PLAC8L1: variants seen among roughly 807,000 people sequenced by gnomAD.
The protein encoded by PLAC8L1 is PLAC8 like 1, also known as PLAC8-like protein 1.
Under a neutral mutation model 16.3 loss-of-function variants are expected in PLAC8L1, and 13 were observed. The ratio of observed to expected loss-of-function variants is 0.80; its 90% CI spans 0.52 to 1.27. The LOEUF is 1.27. Among genes scored for constraint, PLAC8L1 ranks in the 50% most tolerant of loss-of-function variants. PLAC8L1 has a pLI of 0.00. For missense variants in PLAC8L1, 184 were observed against 220.2 expected, an observed-to-expected ratio of 0.84 and a Z score of 1.04; for synonymous variants, 78 against 79.3, an observed-to-expected ratio of 0.98 and a Z score of 0.09.
rs1403019768 is a variant in PLAC8L1, at chr5:146,104,408, T to C, written c.-97A>G. 2.1e-6 allele frequency: 2 copies of C among 933,424 alleles called. No homozygotes were observed. The highest frequency in any genetic ancestry group is 2.5e-5 in the East Asian group (1 of 40,670). 57.8% of individuals were successfully genotyped at this position (933,424 alleles called of 1,614,324 possible). ...GATTAGTCCAAAGTGAAACATCTCT[T>C]GAAAGAATGTTCCCTTAATATTCTG... On this transcript the variant is annotated 5_prime_UTR_variant, in exon 1 of 4. Coordinates refer to ENST00000311450, the MANE Select transcript of PLAC8L1 (RefSeq NM_001029869.3).
intron 1 of PLAC8L1, chr5:146,103,987 C>T (rs1426751090): frequency 1.0e-5 from 10 of 985,404 alleles, no homozygotes; most frequent in Non-Finnish European, 1.2e-5. Context: ...CCATTTCACC[C>T]AAGCCAGCCC....
At chr5:146,089,335 A>C (rs1763571642) in intron 2 of PLAC8L1, among the ~76,000 whole-genome samples, 1 of 152,242 alleles carries the variant, frequency 6.6e-6, no homozygotes, top group South Asian at 2.1e-4. Flanking sequence ...AACACTATGA[A>C]GAATGAATTT....
At chr5:146,092,632 C>T (rs1763640977) in intron 2 of PLAC8L1, among the ~76,000 whole-genome samples, 1 of 150,072 alleles carries the variant, frequency 6.7e-6, no homozygotes, top group Non-Finnish European at 1.5e-5. Context: ...ACTTCCACCT[C>T]CCGGGTTCAA....
intron 2 of PLAC8L1, among the ~76,000 whole-genome samples, chr5:146,093,827 G>T (rs1260401498): frequency 6.6e-6 from 1 of 152,010 alleles, no homozygotes; most frequent in Non-Finnish European, 1.5e-5. Flanking sequence ...CCTACCTTGG[G>T]TATCTACTAG....
chr5:146,096,035 T>C (rs1248976965), intron 2 of PLAC8L1, among the ~76,000 whole-genome samples: 1 of 152,172 alleles, frequency 6.6e-6, no homozygotes, highest in Non-Finnish European at 1.5e-5. Flanking sequence ...ACAACAGGAA[T>C]TATTTTCTCA....
chr5:146,097,352 T>C (rs927166025), intron 2 of PLAC8L1, among the ~76,000 whole-genome samples: 1 of 151,826 alleles, frequency 6.6e-6, no homozygotes, highest in African/African-American at 2.4e-5. Context: ...AGGAAGGGAG[T>C]TTCTTTTTGT....
At position 146,095,619 on chromosome 5, in the gene PLAC8L1, G is replaced by A. The variant is rs552654737; in HGVS notation, c.256+2537C>T. On this transcript the variant is annotated intron_variant, in intron 2 of 3. Coordinates refer to ENST00000311450, the MANE Select transcript of PLAC8L1 (RefSeq NM_001029869.3). Reference sequence around the variant, plus strand: ...TATTAATAGCTAAGATTTACTAAGTGCATTGTAATGATATTTTTTTGAATT... The same window carrying A: ...TATTAATAGCTAAGATTTACTAAGTACATTGTAATGATATTTTTTTGAATT... 3.9e-5 allele frequency among the ~76,000 whole-genome samples: 6 copies of A among 152,284 alleles called. No homozygotes were observed. The East Asian group carries it at 1.2e-3, about 29-fold the overall frequency.
At chr5:146,090,396 G>T (rs1394946054) in intron 2 of PLAC8L1, among the ~76,000 whole-genome samples, 1 of 151,872 alleles carries the variant, frequency 6.6e-6, no homozygotes, top group Non-Finnish European at 1.5e-5. Flanking sequence ...TAGCCAGGTG[G>T]TAGTGGCGTG....
At chr5:146,089,859 C>T (rs972336149) in intron 2 of PLAC8L1, among the ~76,000 whole-genome samples, 10 of 151,782 alleles carry the variant, frequency 6.6e-5, no homozygotes, top group African/African-American at 2.4e-4. Flanking sequence ...CTGCCTCAGC[C>T]TCTCGAGTAG....
At chr5:146,086,294 G>T (rs1439253533) in intron 2 of PLAC8L1, among the ~76,000 whole-genome samples, 1 of 152,228 alleles carries the variant, frequency 6.6e-6, no homozygotes, top group Non-Finnish European at 1.5e-5. Flanking sequence ...CTCCCAAAGT[G>T]CTGGGATTAC....
rs1763476640 is a variant in PLAC8L1 at position 146,084,562 on chromosome 5, C to T, written c.404G>A (p.Cys135Tyr). The change falls in exon 4 of 4, where the codon TGT becomes TAT. Residue 135 changes from cysteine to tyrosine, a missense_variant. Cys to Tyr is a radical substitution (Grantham distance 194). Coordinates refer to ENST00000311450, the MANE Select transcript of PLAC8L1 (RefSeq NM_001029869.3). ...RERHKIQGTL[C>Y]EDWLAVHCCW... ...GCAGTGCACCGCCAGCCAGTCTTCA[C>T]ACAGTGTGCCCTAGGGCAAGACCAG... is the stretch of plus-strand genomic sequence containing the variant. 1 of 1,613,630 alleles carries T rather than the reference C, an allele frequency of 6.2e-7. No homozygotes were observed. Among genetic ancestry groups the T allele is most frequent in the Admixed American group, 1.7e-5 (1 of 60,012 alleles).
At chr5:146,094,012 T>C (rs992718134) in intron 2 of PLAC8L1, among the ~76,000 whole-genome samples, 1 of 152,250 alleles carries the variant, frequency 6.6e-6, no homozygotes, top group Non-Finnish European at 1.5e-5. Flanking sequence ...CTCTGTTTAA[T>C]TTCTTCATGG....
At chr5:146,091,736 C>T (rs894804389) in intron 2 of PLAC8L1, among the ~76,000 whole-genome samples, 11 of 152,046 alleles carry the variant, frequency 7.2e-5, no homozygotes, top group East Asian at 3.8e-4. Context: ...TAGAAGTCCG[C>T]GGTTACAATG....
At chr5:146,091,407 T>A (rs1763615706) in intron 2 of PLAC8L1, among the ~76,000 whole-genome samples, 1 of 151,980 alleles carries the variant, frequency 6.6e-6, no homozygotes, top group Non-Finnish European at 1.5e-5. Context: ...ACCAACAGAG[T>A]TAAATCTCTA....
At chr5:146,086,988 C>T (rs1763526761) in intron 2 of PLAC8L1, among the ~76,000 whole-genome samples, 1 of 152,210 alleles carries the variant, frequency 6.6e-6, no homozygotes, top group Admixed American at 6.5e-5. Flanking sequence ...ATGTGTGGAA[C>T]ATTGCTCTCA....
intron 1 of PLAC8L1, among the ~76,000 whole-genome samples, chr5:146,102,222 A>AT (rs1027027209): frequency 1.8e-4 from 28 of 151,656 alleles, no homozygotes; most frequent in African/African-American, 5.1e-4. Context: ...TGCCCAGCTA[A>AT]TTTTTTTTAA....
chr5:146,088,129 T>A (rs1274070592), intron 2 of PLAC8L1, among the ~76,000 whole-genome samples: 1 of 152,186 alleles, frequency 6.6e-6, no homozygotes, highest in African/African-American at 2.4e-5. Flanking sequence ...CCATATCACC[T>A]GGCTAACTTT....
intron 2 of PLAC8L1, among the ~76,000 whole-genome samples, chr5:146,097,107 C>G (rs1413541906): frequency 1.3e-5 from 2 of 152,212 alleles, no homozygotes. Flanking sequence ...TACCCTCCCC[C>G]TCCTCCCAGA....
intron 2 of PLAC8L1, among the ~76,000 whole-genome samples, chr5:146,094,869 C>A (rs1194179008): frequency 1.3e-5 from 2 of 152,198 alleles, no homozygotes; most frequent in Non-Finnish European, 2.9e-5. Flanking sequence ...CAATAATTCT[C>A]AGCGTTTGAT....
Sources: gnomAD v4.1 joint callset for allele counts (sites outside exome capture counted in the v4.1 genomes callset) on GRCh38, gnomAD v4.1.1 for gene constraint, MANE v1.5 for transcripts, NCBI Gene and HGNC (gene_info 2026-07-23, HGNC 2026-07-21) for gene names.